GRB14: variants seen among roughly 807,000 people sequenced by gnomAD.
GRB14 encodes the protein growth factor receptor bound protein 14.
In GRB14, 38 loss-of-function variants were observed where a neutral mutation model predicts 69.1. The observed-to-expected ratio is 0.55, with a 90% CI of 0.42 to 0.72. GRB14 has a LOEUF of 0.72. GRB14 is among the 30% of genes least tolerant of loss of function. The probability of loss-of-function intolerance (pLI) is 0.00; values close to 1 mark genes in which losing one functional copy is unlikely to be tolerated. For missense variants in GRB14, 666 were observed against 666.1 expected, an observed-to-expected ratio of 1.00 and a Z score of 0.00; for synonymous variants, 247 against 241.3, an observed-to-expected ratio of 1.02 and a Z score of -0.22.
At chr2:164,607,016 GA>G (rs1690058608) in intron 2 of GRB14, among the ~76,000 whole-genome samples, 1 of 152,140 alleles carries the variant, frequency 6.6e-6, no homozygotes, top group Non-Finnish European at 1.5e-5. Flanking sequence ...GAACCAAAGA[GA>G]CAAAGAACAG....
At chr2:164,566,029 A>G (rs556348634) in intron 2 of GRB14, among the ~76,000 whole-genome samples, 57 of 152,232 alleles carry the variant, frequency 3.7e-4, no homozygotes, top group Non-Finnish European at 6.9e-4. Flanking sequence ...TTAGGATTCC[A>G]TTTGATAAAT....
intron 2 of GRB14, among the ~76,000 whole-genome samples, chr2:164,615,687 T>C (rs1574360257): frequency 6.6e-6 from 1 of 152,224 alleles, no homozygotes; most frequent in African/African-American, 2.4e-5. Context: ...AAACATTTCA[T>C]GACACTGGTT....
At chr2:164,504,790 T>G (rs1687148107) in intron 8 of GRB14, among the ~76,000 whole-genome samples, 1 of 152,164 alleles carries the variant, frequency 6.6e-6, no homozygotes, top group Non-Finnish European at 1.5e-5. Context: ...GAATTAAGGT[T>G]GTCAATCAGC....
chr2:164,553,480 C>A (rs1442399527), intron 2 of GRB14, among the ~76,000 whole-genome samples: 1 of 152,056 alleles, frequency 6.6e-6, no homozygotes, highest in Non-Finnish European at 1.5e-5. Context: ...TTTTAAAAAT[C>A]CTATTTAATG....
In GRB14 at chr2:164,522,676, C is replaced by G. The variant is rs184969639; in HGVS notation, c.679-559G>C. 1.6e-3 allele frequency among the ~76,000 whole-genome samples: 246 copies of G among 152,176 alleles called. 1 individual carries two copies. Among genetic ancestry groups the G allele is most frequent in the African/African-American group, 5.7e-3 (237 of 41,530 alleles). On this transcript the variant is annotated intron_variant, in intron 5 of 13. Coordinates refer to ENST00000263915, the MANE Select transcript of GRB14 (RefSeq NM_004490.3). Reference sequence around the variant, plus strand: ...CTTGAGGCGGGTAAAGCAAACAAAACTATCTCTTCTTTGTCATCTGTGGTT... The same window carrying G: ...CTTGAGGCGGGTAAAGCAAACAAAAGTATCTCTTCTTTGTCATCTGTGGTT...
intron 2 of GRB14, among the ~76,000 whole-genome samples, chr2:164,613,569 C>T (rs1049250811): frequency 1.3e-5 from 2 of 152,164 alleles, no homozygotes; most frequent in African/African-American, 4.8e-5. Flanking sequence ...GGGCAAGCAA[C>T]ACTGCAAAGA....
rs201699751 is a variant in GRB14, at chr2:164,527,016, T to C, written c.601A>G (p.Met201Val). 172 of 1,587,022 alleles carry C rather than the reference T, an allele frequency of 1.1e-4. 1 individual carries two copies. The highest frequency in any genetic ancestry group is 1.2e-4 in the African/African-American group (9 of 74,126). ...CTATTAGGAGGGATTTCACTTACCA[T>C]TGGGTTTTTAAAGAACTCATATTTG... ...YAKYEFFKNPMYFFPEHMVSF... is the reference protein window; with the variant it reads ...YAKYEFFKNPVYFFPEHMVSF... The change falls in exon 4 of 14, where the codon ATG (methionine) becomes GTG (valine). Residue 201 changes from methionine (M) to valine (V), a missense_variant and splice_region_variant. Met to Val is a conservative substitution (Grantham distance 21). Transcript: ENST00000263915.
At chr2:164,565,950 C>T (rs933018020) in intron 2 of GRB14, among the ~76,000 whole-genome samples, 2 of 152,196 alleles carry the variant, frequency 1.3e-5, no homozygotes, top group African/African-American at 4.8e-5. Flanking sequence ...ATCAGACACA[C>T]TACCTGATAA....
chr2:164,602,231 C>A (rs533589162), intron 2 of GRB14, among the ~76,000 whole-genome samples: 4 of 151,548 alleles, frequency 2.6e-5, no homozygotes, highest in Non-Finnish European at 4.4e-5. Context: ...AGTCTGCAAA[C>A]CTTGCCTCTG....
At chr2:164,606,666 T>C (rs1412074083) in intron 2 of GRB14, among the ~76,000 whole-genome samples, 1 of 152,158 alleles carries the variant, frequency 6.6e-6, no homozygotes, top group Non-Finnish European at 1.5e-5. Flanking sequence ...AAGTTCCCAG[T>C]GCCCTAAGAT....
chr2:164,603,225 G>A (rs765086040), intron 2 of GRB14, among the ~76,000 whole-genome samples: 6 of 149,270 alleles, frequency 4.0e-5, no homozygotes, highest in Non-Finnish European at 7.5e-5. Context: ...ATGAAAAAAT[G>A]TTAAAAAGCT....
rs1203324856 is a variant in GRB14 at position 164,547,733 on chromosome 2, C to T, written c.408G>A (p.Leu136=). ...CAATGTAATGATTCTTCAGGATCAA[C>T]AGCTGACAAACATCTCGAGCCGTTA... ...SDITARDVCQ[L]LILKNHYIDD... The change falls in exon 3 of 14, where the codon CTG becomes CTA. Residue 136 remains leucine, a synonymous_variant. Coordinates refer to ENST00000263915, the MANE Select transcript of GRB14 (RefSeq NM_004490.3). 3 of 1,613,730 alleles carry T rather than the reference C, an allele frequency of 1.9e-6. No individual in the cohort carries two copies. Among genetic ancestry groups the T allele is most frequent in the South Asian group, 2.2e-5 (2 of 91,068 alleles).
intron 6 of GRB14, 36 bp downstream of exon 6, chr2:164,521,944 T>C: frequency 6.5e-7 from 1 of 1,532,664 alleles, no homozygotes; most frequent in African/African-American, 1.4e-5. Flanking sequence ...CAGCTTAATA[T>C]GTCAGTCATA....
At chr2:164,528,440 G>T (rs181223262) in intron 3 of GRB14, among the ~76,000 whole-genome samples, 1 of 152,234 alleles carries the variant, frequency 6.6e-6, no homozygotes. Flanking sequence ...AAGCATTTAT[G>T]TCTCAGAAAT....
At chr2:164,566,123 G>A (rs1003586196) in intron 2 of GRB14, among the ~76,000 whole-genome samples, 10 of 152,160 alleles carry the variant, frequency 6.6e-5, no homozygotes, top group African/African-American at 2.2e-4. Flanking sequence ...GGGAAAATAA[G>A]TTGCTCCCCA....
At chr2:164,569,677 C>T (rs1689079695) in intron 2 of GRB14, among the ~76,000 whole-genome samples, 2 of 151,986 alleles carry the variant, frequency 1.3e-5, no homozygotes. Context: ...TCATATTCCT[C>T]AAAAGAAAAA....
intron 2 of GRB14, among the ~76,000 whole-genome samples, chr2:164,571,667 A>G (rs1049021919): frequency 6.6e-6 from 1 of 152,316 alleles, no homozygotes; most frequent in South Asian, 2.1e-4. Context: ...TTTTCACTTA[A>G]TGCTCACAAC....
At chr2:164,526,586 A>G (rs780588320) in intron 4 of GRB14, among the ~76,000 whole-genome samples, 3 of 152,056 alleles carry the variant, frequency 2.0e-5, no homozygotes, top group Non-Finnish European at 4.4e-5. Flanking sequence ...TTTACTTTAG[A>G]AAGCTATTTA....
At chr2:164,500,917 A>C (rs373885670) in intron 9 of GRB14, among the ~76,000 whole-genome samples, 9 of 152,184 alleles carry the variant, frequency 5.9e-5, no homozygotes, top group African/African-American at 1.9e-4. Flanking sequence ...ATTTATAACC[A>C]TTTTTCCTAT....
Sources: allele counts gnomAD v4.1 joint callset (sites outside exome capture counted in the v4.1 genomes callset), GRCh38; gene constraint gnomAD v4.1.1; transcripts MANE v1.5; gene names NCBI Gene and HGNC (gene_info 2026-07-23, HGNC 2026-07-21).